The following RELN variants were observed in gnomAD, a reference collection of about 807,000 sequenced individuals.
RELN encodes reelin.
RELN carries 108 observed loss-of-function variants against 427.6 expected under a neutral mutation model. The observed-to-expected ratio is 0.25, with a 90% CI of 0.22 to 0.30. The LOEUF is 0.30. RELN is among the 10% of genes least tolerant of loss of function. RELN has a pLI of 1.00. For synonymous variants in RELN, 1,524 were observed against 1,513.4 expected, an observed-to-expected ratio of 1.01 and a Z score of -0.16; for missense variants, 3,715 against 4,302.8, an observed-to-expected ratio of 0.86 and a Z score of 3.82.
intron 1 of RELN, among the ~76,000 whole-genome samples, chr7:103,934,314 T>C (rs779291115): frequency 4.7e-4 from 71 of 152,348 alleles, no homozygotes; most frequent in Non-Finnish European, 8.5e-4. Flanking sequence ...CACTTCCTCA[T>C]ATTCAATGAG....
At chr7:103,746,370 G>T (rs1179902990) in intron 6 of RELN, among the ~76,000 whole-genome samples, 4 of 152,152 alleles carry the variant, frequency 2.6e-5, no homozygotes, top group Non-Finnish European at 5.9e-5. Flanking sequence ...AGGACTTCAT[G>T]TCTAAAACAC....
intron 2 of RELN, among the ~76,000 whole-genome samples, chr7:103,881,265 A>C (rs911789630): frequency 2.6e-5 from 4 of 152,028 alleles, no homozygotes; most frequent in African/African-American, 9.7e-5. Context: ...ATCTTTCTTT[A>C]TCTCATTACA....
intron 2 of RELN, among the ~76,000 whole-genome samples, chr7:103,876,788 T>TTA (rs397976068): frequency 2.0e-5 from 3 of 151,492 alleles, no homozygotes; most frequent in African/African-American, 7.3e-5. Context: ...CTCTTTTTTT[T>TTA]AAAAAAAAGA....
intron 2 of RELN, among the ~76,000 whole-genome samples, chr7:103,902,662 T>C (rs1795108918): frequency 6.6e-6 from 1 of 152,108 alleles, no homozygotes; most frequent in Admixed American, 6.6e-5. Context: ...CTGAAAACAG[T>C]AATTTAGTTG....
intron 2 of RELN, among the ~76,000 whole-genome samples, chr7:103,861,689 T>C (rs1030908854): frequency 2.0e-5 from 3 of 152,150 alleles, no homozygotes; most frequent in African/African-American, 4.8e-5. Context: ...AAATAGGTCA[T>C]TGGATTTGGC....
chr7:103,541,863 A>C lies in RELN; in HGVS notation c.6671+868T>G, dbSNP rs535611410. On this transcript the variant is annotated intron_variant, in intron 43 of 64. Coordinates refer to ENST00000428762, the MANE Select transcript of RELN (RefSeq NM_005045.4). ...AAAATATTGTTTTTATAACTGTGTAATTATTTCACAGAACTGTATTTTCTA... is the reference window on the plus strand; with the variant it reads ...AAAATATTGTTTTTATAACTGTGTACTTATTTCACAGAACTGTATTTTCTA... Among the ~76,000 whole-genome samples the C allele has an allele frequency of 7.2e-5, 11 of 152,354 alleles. No homozygotes were observed. In the South Asian group the frequency reaches 2.3e-3, roughly 32 times the overall value.
intron 20 of RELN, among the ~76,000 whole-genome samples, chr7:103,615,410 G>GT (rs1441172336): frequency 6.6e-6 from 1 of 152,158 alleles, no homozygotes; most frequent in Non-Finnish European, 1.5e-5. Context: ...CTGAGGATCT[G>GT]TTTTTTGATC....
At chr7:103,924,954 ACTCT>A (rs1203937864) in intron 1 of RELN, among the ~76,000 whole-genome samples, 11 of 146,564 alleles carry the variant, frequency 7.5e-5, no homozygotes, top group Non-Finnish European at 7.5e-5. Flanking sequence ...CCCTACAAGC[ACTCT>A]CTCTCTGACA....
intron 2 of RELN, among the ~76,000 whole-genome samples, chr7:103,866,924 TA>T (rs1794214579): frequency 6.6e-6 from 1 of 152,086 alleles, no homozygotes; most frequent in Admixed American, 6.6e-5. Context: ...GTTAATTAAT[TA>T]GACAAGCAAT....
intron 3 of RELN, among the ~76,000 whole-genome samples, chr7:103,790,191 G>A (rs932014877): frequency 1.1e-4 from 16 of 152,056 alleles, no homozygotes; most frequent in East Asian, 3.9e-4. Context: ...TTGTGGGGGC[G>A]GGGACAAGGG....
At chr7:103,617,764 T>C (rs1832117403) in intron 20 of RELN, among the ~76,000 whole-genome samples, 1 of 152,132 alleles carries the variant, frequency 6.6e-6, no homozygotes, top group Non-Finnish European at 1.5e-5. Flanking sequence ...TGTTCCCTAA[T>C]GCTGAAGAGG....
intron 1 of RELN, among the ~76,000 whole-genome samples, chr7:103,935,998 C>A (rs535358536): frequency 3.9e-5 from 6 of 152,190 alleles, no homozygotes; most frequent in African/African-American, 1.4e-4. Context: ...CCTAATACTG[C>A]CAATTTTATC....
chr7:103,769,308 T>C (rs1293621548), intron 4 of RELN, among the ~76,000 whole-genome samples: 1 of 152,158 alleles, frequency 6.6e-6, no homozygotes, highest in Non-Finnish European at 1.5e-5. Context: ...ATTAAGGTCC[T>C]TATTAAGGAG....
At chr7:103,749,385 A>G (rs756068618) in intron 6 of RELN, 41 bp downstream of exon 6, 1 of 1,465,774 alleles carries the variant, frequency 6.8e-7, no homozygotes, top group Non-Finnish European at 9.6e-7. Context: ...ATCATTTGTT[A>G]CATTAAGCAA....
At chr7:103,981,913 T>C (rs1217578847) in intron 1 of RELN, among the ~76,000 whole-genome samples, 1 of 152,200 alleles carries the variant, frequency 6.6e-6, no homozygotes, top group African/African-American at 2.4e-5. Context: ...ATGCCTGTTA[T>C]CCTAGCATTT....
At chr7:103,830,870 A>C (rs1340756296) in intron 3 of RELN, among the ~76,000 whole-genome samples, 2 of 152,126 alleles carry the variant, frequency 1.3e-5, no homozygotes, top group African/African-American at 4.8e-5. Context: ...ACCATTTGTC[A>C]AGAATGTTAA....
At chr7:103,770,990 C>G (rs1183213518) in intron 4 of RELN, among the ~76,000 whole-genome samples, 4 of 149,156 alleles carry the variant, frequency 2.7e-5, no homozygotes, top group African/African-American at 9.9e-5. Context: ...TCTAGGCTCA[C>G]TGCAACCTCT....
chr7:103,916,427 G>C (rs1795483479), intron 2 of RELN, among the ~76,000 whole-genome samples: 1 of 152,086 alleles, frequency 6.6e-6, no homozygotes, highest in African/African-American at 2.4e-5. Flanking sequence ...TGCTGTGAAG[G>C]ATCTACTTAA....
chr7:103,554,588 A>AAAAG (rs1830485132), intron 38 of RELN, among the ~76,000 whole-genome samples: 4 of 150,920 alleles, frequency 2.7e-5, no homozygotes, highest in Non-Finnish European at 3.0e-5. Flanking sequence ...AAAAAAAAAA[A>AAAAG]GTGAAAAAAT....
Sources: allele counts gnomAD v4.1 joint callset (sites outside exome capture counted in the v4.1 genomes callset), GRCh38; gene constraint gnomAD v4.1.1; transcripts MANE v1.5; gene names NCBI Gene and HGNC (gene_info 2026-07-23, HGNC 2026-07-21).